Variants in CD86 observed in about 807,000 individuals in gnomAD.
The protein encoded by CD86 is T-lymphocyte activation antigen CD86.
A neutral mutation model predicts 32.1 loss-of-function variants in CD86; 11 were observed. That is an observed-to-expected ratio of 0.34 (90% CI 0.22 to 0.57). The LOEUF (loss-of-function observed/expected upper bound fraction) is 0.57, where lower values mean the gene tolerates loss of function less well. CD86 is among the 20% of genes least tolerant of loss of function. The pLI, the probability that CD86 is intolerant of heterozygous loss-of-function variation, is 0.86. For synonymous variants in CD86, 137 were observed against 135.3 expected (o/e 1.01, Z -0.09); for missense variants, 359 against 398.4 (o/e 0.90, Z 0.84).
At chr3:122,105,244 C>T (rs987851398) in intron 3 of CD86, among the ~76,000 whole-genome samples, 3 of 152,194 alleles carry the variant, frequency 2.0e-5, no homozygotes, top group Admixed American at 1.3e-4. Context: ...CTCTAACTTA[C>T]GCAACATGTG....
At chr3:122,097,213 C>G in intron 2 of CD86, among the ~76,000 whole-genome samples, 1 of 152,058 alleles carries the variant, frequency 6.6e-6, no homozygotes, top group East Asian at 1.9e-4. Flanking sequence ...GAGATTTTTC[C>G]TTTCCTTTCT....
At chr3:122,073,794 A>G (rs930409284) in intron 1 of CD86, among the ~76,000 whole-genome samples, 1 of 152,172 alleles carries the variant, frequency 6.6e-6, no homozygotes, top group Non-Finnish European at 1.5e-5. Flanking sequence ...GGCCCTTCTC[A>G]CATAGATTAT....
At chr3:122,115,740 CAAAAAAAAAAA>C (rs769868417) in intron 5 of CD86, among the ~76,000 whole-genome samples, 1 of 27,538 alleles carries the variant, frequency 3.6e-5, no homozygotes, top group African/African-American at 1.2e-4. Context: ...AACTCCCTCT[CAAAAAAAAAAA>C]AAAAAAAAAA....
chr3:122,055,478 G>A lies in CD86; in HGVS notation c.-12G>A, dbSNP rs1190241474. On this transcript the variant is annotated 5_prime_UTR_variant, in exon 1 of 7. Transcript: ENST00000330540. ...CATTTCCAGATATTAGGTCACAGCA[G>A]AAGCAGCCAAAATGGATCCCCAGTG... 1.2e-6 allele frequency: 2 copies of A among 1,613,814 alleles called. No homozygotes were observed. Among genetic ancestry groups the A allele is most frequent in the Admixed American group, 1.7e-5 (1 of 60,006 alleles).
intron 5 of CD86, among the ~76,000 whole-genome samples, chr3:122,115,776 G>C (rs2073240936): frequency 7.3e-6 from 1 of 137,502 alleles, no homozygotes. Flanking sequence ...AAGAACAAAG[G>C]TGGACTTAAC....
rs549174132 is a variant in CD86 at position 122,082,061 on chromosome 3, T to C, written c.15-9540T>C. On this transcript the variant is annotated intron_variant, in intron 1 of 6. Transcript: ENST00000330540. ...CTTATTCCTGGAAATGTAATGAGAA[T>C]CTTAGAGGTGAACTGAAAAGTTATG... Among the ~76,000 whole-genome samples the C allele has an allele frequency of 5.8e-4, 88 of 152,332 alleles. 1 individual carries two copies. In the South Asian group the frequency reaches 0.017, roughly 29 times the overall value.
chr3:122,069,437 A>G (rs999526907), intron 1 of CD86, among the ~76,000 whole-genome samples: 1 of 152,214 alleles, frequency 6.6e-6, no homozygotes, highest in African/African-American at 2.4e-5. Context: ...TAGAGTCAAT[A>G]GTGATTGCCA....
chr3:122,083,371 C>A (rs2072661451), intron 1 of CD86, among the ~76,000 whole-genome samples: 1 of 152,166 alleles, frequency 6.6e-6, no homozygotes, highest in South Asian at 2.1e-4. Flanking sequence ...TTCATTTTGG[C>A]CACAGGGACC....
chr3:122,118,273 G>T (rs73858134), intron 6 of CD86, among the ~76,000 whole-genome samples, 180 bp downstream of exon 6: 4,373 of 152,222 alleles, frequency 0.029, 210 homozygotes, highest in African/African-American at 0.1. Context: ...GGATGACAGG[G>T]TATCCAATGC....
At chr3:122,062,948 CT>C (rs2072359485) in intron 1 of CD86, among the ~76,000 whole-genome samples, 1 of 152,044 alleles carries the variant, frequency 6.6e-6, no homozygotes, top group South Asian at 2.1e-4. Flanking sequence ...TACCTATAAC[CT>C]AGAAGTTGCT....
chr3:122,116,689 A>G (rs750179672), intron 5 of CD86, among the ~76,000 whole-genome samples: 6 of 152,348 alleles, frequency 3.9e-5, no homozygotes, highest in African/African-American at 4.8e-5. Context: ...TATTTATACA[A>G]TGAAATACTG....
chr3:122,057,193 A>G (rs532127671), intron 1 of CD86, among the ~76,000 whole-genome samples: 4 of 152,364 alleles, frequency 2.6e-5, no homozygotes, highest in Non-Finnish European at 4.4e-5. Flanking sequence ...ATCTAGTGAT[A>G]CATATCAAAA....
At chr3:122,117,998 T>C in intron 5 of CD86, 50 bp from the exon 6 acceptor site, 2 of 1,507,604 alleles carry the variant, frequency 1.3e-6, no homozygotes, top group South Asian at 1.1e-5. Context: ...TTCCTTCTTT[T>C]GGTATCTAGG....
chr3:122,099,395 G>C (rs2072960982), intron 2 of CD86, among the ~76,000 whole-genome samples: 1 of 152,226 alleles, frequency 6.6e-6, no homozygotes, highest in Non-Finnish European at 1.5e-5. Context: ...CAGGGAGTTT[G>C]ACTCCAAGGG....
intron 2 of CD86, among the ~76,000 whole-genome samples, chr3:122,102,330 T>A (rs2073022469): frequency 6.6e-6 from 1 of 150,382 alleles, no homozygotes. Context: ...CTCTCCAAGG[T>A]GGCATCTAAC....
chr3:122,073,222 G>A (rs563039815), intron 1 of CD86, among the ~76,000 whole-genome samples: 2 of 150,784 alleles, frequency 1.3e-5, no homozygotes, highest in East Asian at 4.0e-4. Flanking sequence ...TCTACTAGAT[G>A]TGTAGTGGTA....
intron 1 of CD86, among the ~76,000 whole-genome samples, chr3:122,091,187 A>G (rs2072812040): frequency 6.6e-6 from 1 of 152,214 alleles, no homozygotes; most frequent in African/African-American, 2.4e-5. Context: ...AGGTGTAAAG[A>G]GAGCTGCTTT....
intron 1 of CD86, among the ~76,000 whole-genome samples, chr3:122,089,014 C>G (rs865834898): frequency 6.6e-6 from 1 of 152,130 alleles, no homozygotes; most frequent in Non-Finnish European, 1.5e-5. Context: ...AAAGGAAATT[C>G]AAACACATGC....
At chr3:122,061,544 C>A (rs899745719) in intron 1 of CD86, among the ~76,000 whole-genome samples, 5 of 151,816 alleles carry the variant, frequency 3.3e-5, no homozygotes, top group African/African-American at 7.3e-5. Context: ...GAAAAATGGG[C>A]AAAAGATATA....
Sources: allele counts gnomAD v4.1 joint callset (sites outside exome capture counted in the v4.1 genomes callset), GRCh38; gene constraint gnomAD v4.1.1; transcripts MANE v1.5; gene names NCBI Gene and HGNC (gene_info 2026-07-23, HGNC 2026-07-21).